The following SLC39A10 variants were observed in gnomAD, a reference collection of about 807,000 sequenced individuals.
SLC39A10 encodes the protein solute carrier family 39 member 10.
A neutral mutation model predicts 65.1 loss-of-function variants in SLC39A10; 13 were observed. The observed-to-expected ratio is 0.20, with a 90% CI of 0.13 to 0.32. The LOEUF is 0.32. Ranked by LOEUF, SLC39A10 falls within the 10% of genes least tolerant of loss-of-function variation. The pLI, the probability that SLC39A10 is intolerant of heterozygous loss-of-function variation, is 1.00. For missense variants in SLC39A10, 831 were observed against 1,018.4 expected (o/e 0.82, Z 2.50); for synonymous variants, 321 against 342.2 (o/e 0.94, Z 0.68).
chr2:195,630,665 C>T (rs1029041623), intron 2 of SLC39A10, among the ~76,000 whole-genome samples: 13 of 152,154 alleles, frequency 8.5e-5, no homozygotes, highest in Non-Finnish European at 1.3e-4. Context: ...AGTTATGAAC[C>T]GGGAACCATG....
chr2:195,672,753 C>T (rs561166833), intron 1 of SLC39A10, among the ~76,000 whole-genome samples: 12 of 152,250 alleles, frequency 7.9e-5, no homozygotes, highest in African/African-American at 2.9e-4. Flanking sequence ...ATATGAATGT[C>T]CTGTTTCCAC....
chr2:195,696,902 A>G (rs1690984412), intron 3 of SLC39A10, among the ~76,000 whole-genome samples: 1 of 152,230 alleles, frequency 6.6e-6, no homozygotes, highest in Admixed American at 6.5e-5. Flanking sequence ...GAGAAAGTAT[A>G]GTACACTTGG....
intron 2 of SLC39A10, among the ~76,000 whole-genome samples, chr2:195,619,297 G>C (rs1688298042): frequency 6.6e-6 from 1 of 152,092 alleles, no homozygotes; most frequent in South Asian, 2.1e-4. Flanking sequence ...AGCAGGACTT[G>C]GAAACCAATT....
rs114144262 is a variant in SLC39A10, at chr2:195,715,052, A to G, written c.1696+1499A>G. Among the ~76,000 whole-genome samples the G allele has an allele frequency of 8.5e-3, 1,300 of 152,272 alleles. 15 individuals carry two copies. Among genetic ancestry groups the G allele is most frequent in the African/African-American group, 0.03 (1,257 of 41,560 alleles). On this transcript the variant is annotated intron_variant, in intron 6 of 9. Coordinates refer to ENST00000359634, the MANE Select transcript of SLC39A10 (RefSeq NM_020342.3). ...CAGGCGTGAGCCACTGCGCCTGGCA[A>G]TGCTACAAACCTTATAATCAAATTA...
At chr2:195,654,994 A>G (rs1432083011), upstream of SLC39A10, among the ~76,000 whole-genome samples, 1 of 152,224 alleles carries the variant, frequency 6.6e-6, no homozygotes, top group Non-Finnish European at 1.5e-5. Context: ...GAGTTTAAAA[A>G]GTGTTAGGAG....
intron 8 of SLC39A10, among the ~76,000 whole-genome samples, chr2:195,726,516 C>A (rs764401523): frequency 6.6e-6 from 1 of 151,820 alleles, no homozygotes; most frequent in Admixed American, 6.6e-5. Flanking sequence ...ATATTAAATC[C>A]GGGTCTCAGC....
chr2:195,709,413 G>GTATTT (rs1357312991), intron 5 of SLC39A10, among the ~76,000 whole-genome samples: 1 of 151,988 alleles, frequency 6.6e-6, no homozygotes, highest in Non-Finnish European at 1.5e-5. Context: ...TGTATTTTTA[G>GTATTT]TAGAGACAGG....
rs1311444568 is a variant in SLC39A10, at chr2:195,680,706, G to C, written c.664G>C (p.Glu222Gln). The C allele has an allele frequency of 6.2e-7, 1 of 1,613,956 alleles. No homozygotes were observed. The highest frequency in any genetic ancestry group is 1.1e-5 in the South Asian group (1 of 91,070). Residue 222 changes from glutamate (E) to glutamine (Q), a missense_variant, in exon 2 of 10, where the codon GAA becomes CAA. Transcript: ENST00000359634. ...EPSTETNKTQ[E>Q]QSDVKLPKGK... ...TTCAACAGAGACCAATAAAACCCAGGAACAATCTGATGTTAAACTACCGAA... is the reference window on the plus strand; with the variant it reads ...TTCAACAGAGACCAATAAAACCCAGCAACAATCTGATGTTAAACTACCGAA...
chr2:195,628,753 TCCTC>T (rs1374028755), intron 2 of SLC39A10, among the ~76,000 whole-genome samples: 3 of 152,130 alleles, frequency 2.0e-5, no homozygotes, highest in African/African-American at 7.2e-5. Context: ...GTGGACCAGT[TCCTC>T]CCATTTTCCA....
chr2:195,731,268 A>G (rs970172935), intron 9 of SLC39A10, among the ~76,000 whole-genome samples: 3 of 152,138 alleles, frequency 2.0e-5, no homozygotes, highest in Non-Finnish European at 4.4e-5. Flanking sequence ...ATTCTGCGTC[A>G]GGGCTGTGGC....
At chr2:195,694,189 A>G (rs921584927) in intron 3 of SLC39A10, among the ~76,000 whole-genome samples, 2 of 152,114 alleles carry the variant, frequency 1.3e-5, no homozygotes, top group African/African-American at 4.8e-5. Context: ...TCATTTTCTT[A>G]AATTTACTGA....
At chr2:195,702,848 G>A (rs1273387106) in intron 3 of SLC39A10, among the ~76,000 whole-genome samples, 1 of 152,200 alleles carries the variant, frequency 6.6e-6, no homozygotes, top group African/African-American at 2.4e-5. Flanking sequence ...CAGCTGAGAT[G>A]TCTGTGGTGT....
At chr2:195,629,012 A>T (rs1688528189) in intron 2 of SLC39A10, among the ~76,000 whole-genome samples, 1 of 152,078 alleles carries the variant, frequency 6.6e-6, no homozygotes, top group African/African-American at 2.4e-5. Flanking sequence ...CCTCATCACC[A>T]CTTCCAAATC....
intron 1 of SLC39A10, among the ~76,000 whole-genome samples, chr2:195,667,444 C>T (rs1378794182): frequency 6.6e-6 from 1 of 152,154 alleles, no homozygotes; most frequent in Non-Finnish European, 1.5e-5. Flanking sequence ...TGCTCAGATA[C>T]TAGTGAATTG....
Position 195,638,455 on chromosome 2 carries a change from T to G in SLC39A10, c.-12+32222T>G, listed in dbSNP as rs150928500. On this transcript the variant is annotated intron_variant, in intron 2 of 2. Coordinates refer to the SLC39A10 transcript ENST00000458054. ...CCCAGGTTCAAGCGATTCTCCTGCC[T>G]TAGCCTCCCGAGTAGCTGAGACTAC... Among the ~76,000 whole-genome samples, 1,163 of 152,240 alleles carry G rather than the reference T, an allele frequency of 7.6e-3. 77 individuals carry two copies. In the East Asian group the frequency reaches 0.16, roughly 21 times the overall value.
At chr2:195,704,111 A>G (rs1196311822) in intron 3 of SLC39A10, among the ~76,000 whole-genome samples, 2 of 152,144 alleles carry the variant, frequency 1.3e-5, no homozygotes, top group Non-Finnish European at 2.9e-5. Context: ...TAGTTCTGGC[A>G]GTCCCCATTC....
chr2:195,721,381 C>T lies in SLC39A10; in HGVS notation c.2146+3049C>T, dbSNP rs1209653798. Among the ~76,000 whole-genome samples, 8 of 152,290 alleles carry T rather than the reference C, an allele frequency of 5.3e-5. No individual in the cohort carries two copies. The East Asian group carries it at 1.5e-3, about 29-fold the overall frequency. On this transcript the variant is annotated intron_variant, in intron 8 of 9. Transcript: ENST00000359634. ...TAGTGTGGGTGCCTGAATCTGTTTC[C>T]TTGTTTATACCATTCTCCTACATGG...
intron 6 of SLC39A10, among the ~76,000 whole-genome samples, chr2:195,715,697 A>G (rs1168198770): frequency 1.3e-5 from 2 of 152,180 alleles, no homozygotes; most frequent in African/African-American, 2.4e-5. Context: ...AGGGATATCC[A>G]TTTATGAAAT....
At chr2:195,668,688 T>G (rs570562979) in intron 1 of SLC39A10, among the ~76,000 whole-genome samples, 3 of 152,280 alleles carry the variant, frequency 2.0e-5, no homozygotes, top group South Asian at 2.1e-4. Flanking sequence ...AAAAGAGGTT[T>G]TTGTTGTTGT....
Sources: gnomAD v4.1 joint callset for allele counts (sites outside exome capture counted in the v4.1 genomes callset) on GRCh38, gnomAD v4.1.1 for gene constraint, MANE v1.5 for transcripts, NCBI Gene and HGNC (gene_info 2026-07-23, HGNC 2026-07-21) for gene names.